The following GABPB1 variants were observed in gnomAD, a reference collection of about 807,000 sequenced individuals.
GABPB1 encodes the protein GA-binding protein subunit beta-1.
Under a neutral mutation model 45.9 loss-of-function variants are expected in GABPB1, and 15 were observed. The observed-to-expected ratio is 0.33, with a 90% CI of 0.22 to 0.50. The LOEUF (loss-of-function observed/expected upper bound fraction) is 0.50, where lower values mean the gene tolerates loss of function less well. GABPB1 is among the 20% of genes least tolerant of loss of function. The pLI is 0.98. For synonymous variants in GABPB1, 143 were observed against 154.4 expected (o/e 0.93, Z 0.55); for missense variants, 252 against 457.5 (o/e 0.55, Z 4.10).
chr15:50,314,225 C>T (rs1025279771), intron 1 of GABPB1, among the ~76,000 whole-genome samples: 10 of 151,920 alleles, frequency 6.6e-5, no homozygotes, highest in Non-Finnish European at 1.2e-4. Flanking sequence ...GCTCTGTTGC[C>T]CAGGCTGGAG....
At chr15:50,325,782 C>T (rs1231845505) in intron 1 of GABPB1, among the ~76,000 whole-genome samples, 2 of 152,206 alleles carry the variant, frequency 1.3e-5, no homozygotes, top group African/African-American at 4.8e-5. Flanking sequence ...CTGCCTGCCT[C>T]GGCCTCCCAA....
rs1331147274 is a variant in GABPB1 at position 50,278,104 on chromosome 15, A to T, written c.*528T>A. On this transcript the variant is annotated 3_prime_UTR_variant, in exon 9 of 9. Transcript: ENST00000380877. The stretch of plus-strand genomic sequence containing the variant: ...ACTTGGGTATAGCTGAAATTGAACA[A>T]ATATAAAAATTTTGCTTTCTAAAAA... 6.6e-6 allele frequency: 1 copy of T among 152,624 alleles called. No individual in the cohort carries two copies. The highest frequency in any genetic ancestry group is 2.4e-5 in the African/African-American group (1 of 41,454). The allele number at this position is 152,624 out of a possible 1,614,324, so 9.5% of individuals were successfully genotyped here. A position where few individuals can be genotyped will look rare whatever the true frequency, so the allele number is the denominator to read the frequency against.
chr15:50,282,560 G>GAAAAAAAAAAAAAAAAA (rs552203074), intron 8 of GABPB1, among the ~76,000 whole-genome samples: 5,201 of 88,238 alleles, frequency 0.059, 1,154 homozygotes, highest in Non-Finnish European at 0.083. Flanking sequence ...CCTTAAAAAA[G>GAAAAAAAAAAAAAAAAA]AAAAAAAAAA....
At chr15:50,334,824 C>G (rs1027331679) in intron 1 of GABPB1, among the ~76,000 whole-genome samples, 2 of 152,168 alleles carry the variant, frequency 1.3e-5, no homozygotes, top group African/African-American at 4.8e-5. Flanking sequence ...TCCCTATTCT[C>G]AAATTTGTCA....
At chr15:50,354,251 G>A (rs937356133) in intron 1 of GABPB1, 8 of 358,250 alleles carry the variant, frequency 2.2e-5, no homozygotes, top group African/African-American at 6.8e-5. Context: ...CGCAGTTCTC[G>A]GCGGCGAAGT....
intron 1 of GABPB1, among the ~76,000 whole-genome samples, chr15:50,340,924 A>ATATGGTT (rs2048345239): frequency 2.2e-4 from 3 of 13,470 alleles, no homozygotes; most frequent in Non-Finnish European, 4.1e-4. Flanking sequence ...GTAATATTAC[A>ATATGGTT]TATTACATAT....
chr15:50,326,739 T>A (rs760138028), intron 1 of GABPB1, among the ~76,000 whole-genome samples: 1 of 151,554 alleles, frequency 6.6e-6, no homozygotes, highest in Non-Finnish European at 1.5e-5. Flanking sequence ...GACGCTGAGG[T>A]GGGAGGACTG....
intron 1 of GABPB1, among the ~76,000 whole-genome samples, chr15:50,334,171 C>T (rs940530055): frequency 3.3e-5 from 5 of 152,120 alleles, no homozygotes; most frequent in African/African-American, 1.2e-4. Context: ...TGTGGACTTA[C>T]TATTATCCTA....
At chr15:50,282,723 A>C (rs2046025800) in intron 8 of GABPB1, among the ~76,000 whole-genome samples, 1 of 152,176 alleles carries the variant, frequency 6.6e-6, no homozygotes, top group Non-Finnish European at 1.5e-5. Flanking sequence ...TAAGGATCTC[A>C]AATCTACCAC....
intron 6 of GABPB1, among the ~76,000 whole-genome samples, chr15:50,291,858 C>T (rs1188838736): frequency 6.8e-6 from 1 of 147,070 alleles, no homozygotes; most frequent in African/African-American, 2.5e-5. Flanking sequence ...GTTGAGGCTG[C>T]AGTGAGCAGT....
At chr15:50,326,835 T>TA (rs538288354) in intron 1 of GABPB1, among the ~76,000 whole-genome samples, 11,292 of 145,096 alleles carry the variant, frequency 0.078, 919 homozygotes, top group African/African-American at 0.21. Flanking sequence ...CCCCCGTCTT[T>TA]AAAAAAAAAA....
At chr15:50,282,560 G>GAAAAAAAAAAAAACAAAA (rs2046015083) in intron 8 of GABPB1, among the ~76,000 whole-genome samples, 1 of 88,992 alleles carries the variant, frequency 1.1e-5, no homozygotes, top group Non-Finnish European at 2.3e-5. Flanking sequence ...CCTTAAAAAA[G>GAAAAAAAAAAAAACAAAA]AAAAAAAAAA....
intron 1 of GABPB1, among the ~76,000 whole-genome samples, chr15:50,318,473 C>T (rs1254159705): frequency 6.6e-6 from 1 of 151,948 alleles, no homozygotes. Context: ...ATATATGTAT[C>T]TCCCATATAC....
chr15:50,317,099 T>C (rs919645417), intron 1 of GABPB1, among the ~76,000 whole-genome samples: 25 of 152,048 alleles, frequency 1.6e-4, no homozygotes, highest in Admixed American at 6.6e-5. Context: ...ATGATCTTAA[T>C]AGAAAAACAC....
intron 1 of GABPB1, among the ~76,000 whole-genome samples, chr15:50,321,067 G>C (rs542586835): frequency 1.3e-5 from 2 of 152,148 alleles, no homozygotes; most frequent in Non-Finnish European, 2.9e-5. Flanking sequence ...ATTATTACAC[G>C]ATAGGAATAG....
chr15:50,299,202 C>A lies in GABPB1; in HGVS notation c.697+1587G>T, dbSNP rs141227700. Among the ~76,000 whole-genome samples, 165 of 152,192 alleles carry A rather than the reference C, an allele frequency of 1.1e-3. No homozygotes were observed. In the East Asian group the frequency reaches 0.023, roughly 21 times the overall value. ...TTTAAAAAATGAATGACAAATTATT[C>A]TTTGCTTTTATAAGCACTGAACCAA... On this transcript the variant is annotated intron_variant, in intron 6 of 8. Transcript: ENST00000380877.
Position 50,335,804 on chromosome 15 carries a change from G to A in GABPB1, c.-1+19181C>T, listed in dbSNP as rs146530635. On this transcript the variant is annotated intron_variant, in intron 1 of 8. Transcript: ENST00000380877. ...CCAGCTACTCAGAAGGCTGAGGCAG[G>A]AGAATCACTTGAACCCAAGAAGCAG... 7.3e-3 allele frequency among the ~76,000 whole-genome samples: 1,077 copies of A among 146,960 alleles called. 5 individuals are homozygous for A. Among genetic ancestry groups the A allele is most frequent in the Non-Finnish European group, 0.011 (747 of 67,420 alleles).
intron 1 of GABPB1, among the ~76,000 whole-genome samples, chr15:50,346,130 A>G (rs2141173907): frequency 6.6e-6 from 1 of 152,340 alleles, no homozygotes; most frequent in South Asian, 2.1e-4. Flanking sequence ...TTTACAAAAT[A>G]AGATGAAAGA....
rs148178956 is a variant in GABPB1, at chr15:50,304,283, T to C, written c.109-150A>G. The C allele has an allele frequency of 2.6e-3, 1,246 of 475,134 alleles. 2 individuals carry two copies. Among genetic ancestry groups the C allele is most frequent in the Non-Finnish European group, 3.9e-3 (1,109 of 286,380 alleles). 29.4% of individuals were successfully genotyped at this position (475,134 alleles called of 1,614,324 possible). A position where few individuals can be genotyped will look rare whatever the true frequency, so the allele number is the denominator to read the frequency against. On this transcript the variant is annotated intron_variant, in intron 2 of 8. Transcript: ENST00000380877. ...CTAGATTCATGCTTATCACATCCTC[T>C]TCATAGACATCTTGAAGAATTCCCA...
Sources: gnomAD v4.1 joint callset for allele counts (sites outside exome capture counted in the v4.1 genomes callset) on GRCh38, gnomAD v4.1.1 for gene constraint, MANE v1.5 for transcripts, NCBI Gene and HGNC (gene_info 2026-07-23, HGNC 2026-07-21) for gene names.